The following ARFGEF3 variants were observed in gnomAD, a reference collection of about 807,000 sequenced individuals.
The protein encoded by ARFGEF3 is brefeldin A-inhibited guanine nucleotide-exchange protein 3.
ARFGEF3 carries 96 observed loss-of-function variants against 221.7 expected under a neutral mutation model. The observed-to-expected ratio is 0.43, with a 90% CI of 0.37 to 0.51. The LOEUF is 0.51. Among genes scored for constraint, ARFGEF3 ranks in the 20% least tolerant of loss-of-function variants. ARFGEF3 has a pLI of 0.00. For missense variants in ARFGEF3, 2,410 were observed against 2,789.9 expected (o/e 0.86, Z 3.07); for synonymous variants, 1,145 against 1,126.8 (o/e 1.02, Z -0.32).
At chr6:138,302,634 T>G (rs907323851) in intron 22 of ARFGEF3, among the ~76,000 whole-genome samples, 1 of 152,142 alleles carries the variant, frequency 6.6e-6, no homozygotes, top group Non-Finnish European at 1.5e-5. Flanking sequence ...CCTTAAAAGC[T>G]GCAAGAGAAA....
At chr6:138,313,692 C>G in intron 25 of ARFGEF3, 103 bp from the exon 26 acceptor site, 3 of 907,642 alleles carry the variant, frequency 3.3e-6, no homozygotes, top group Non-Finnish European at 5.0e-6. Context: ...GTCTAGTTTC[C>G]CATCTCCTTT....
Position 138,291,853 on chromosome 6 carries a change from C to A in ARFGEF3, c.3168C>A (p.Pro1056=), listed in dbSNP as rs1318024925. The A allele has an allele frequency of 6.7e-7, 1 of 1,501,932 alleles. No individual in the cohort carries two copies. The allele number at this position is 1,501,932 out of a possible 1,614,324, so 93.0% of individuals were successfully genotyped here. A position where few individuals can be genotyped will look rare whatever the true frequency, so the allele number is the denominator to read the frequency against. The change falls in exon 19 of 34, where the codon CCC becomes CCA. Residue 1056 remains proline, a synonymous_variant. Transcript: ENST00000251691. This position sits in a 1 kb window ranked among gnomAD's most constrained non-coding sequence, Gnocchi z 4.5. ...ATGSAGLLGD[P]ECEGSPPEHS... is the part of the protein sequence containing the mutation. ...GAAGCGCTGGCCTCCTTGGGGACCC[C>A]GAGTGTGAGGGCTCGCCCCCCGAGC...
chr6:138,259,996 G>A (rs1052882477), intron 10 of ARFGEF3, among the ~76,000 whole-genome samples: 4 of 152,308 alleles, frequency 2.6e-5, no homozygotes, highest in Middle Eastern at 3.4e-3. Flanking sequence ...GTGGTGGGAT[G>A]CCAGGAGACA....
At chr6:138,275,031 C>A (rs534424669) in intron 12 of ARFGEF3, among the ~76,000 whole-genome samples, 8 of 147,226 alleles carry the variant, frequency 5.4e-5, no homozygotes, top group African/African-American at 2.0e-4. Context: ...TGCTTGAACC[C>A]GGGAGGCAGA....
At chr6:138,190,523 C>G (rs1777283540) in intron 2 of ARFGEF3, among the ~76,000 whole-genome samples, 1 of 151,878 alleles carries the variant, frequency 6.6e-6, no homozygotes, top group East Asian at 1.9e-4. Flanking sequence ...TGTATTTAAA[C>G]TAGTCTGATG....
chr6:138,311,323 T>C, intron 24 of ARFGEF3, 84 bp from the exon 25 acceptor site: 1 of 767,530 alleles, frequency 1.3e-6, no homozygotes, highest in Non-Finnish European at 2.2e-6. Flanking sequence ...GGTGTACTAG[T>C]GCTATGTGAG....
chr6:138,202,857 T>G (rs1460220438), intron 2 of ARFGEF3, among the ~76,000 whole-genome samples: 3 of 151,990 alleles, frequency 2.0e-5, no homozygotes, highest in Admixed American at 6.6e-5. Flanking sequence ...TATAAAATTA[T>G]AGTAGCCTAC....
At chr6:138,303,634 C>A (rs910560390) in intron 22 of ARFGEF3, among the ~76,000 whole-genome samples, 1 of 152,000 alleles carries the variant, frequency 6.6e-6, no homozygotes, top group Non-Finnish European at 1.5e-5. Context: ...GAAACCCTGT[C>A]TCTACTAAAA....
Position 138,289,977 on chromosome 6 carries a change from C to T in ARFGEF3, c.3047+9C>T, listed in dbSNP as rs1019418600. 13 of 1,602,432 alleles carry T rather than the reference C, an allele frequency of 8.1e-6. No individual in the cohort carries two copies. Among genetic ancestry groups the T allele is most frequent in the Admixed American group, 3.4e-5 (2 of 58,406 alleles). The stretch of plus-strand genomic sequence containing the variant: ...TGGCCACACGTGTTCAGGTGCATGA[C>T]GGGCTCCCACCCCCAGATGGCACTA... On this transcript the variant is annotated intron_variant, in intron 18 of 33. Coordinates refer to ENST00000251691, the MANE Select transcript of ARFGEF3 (RefSeq NM_020340.5).
intron 2 of ARFGEF3, among the ~76,000 whole-genome samples, chr6:138,179,669 G>C (rs1397280767): frequency 6.6e-6 from 1 of 152,172 alleles, no homozygotes; most frequent in Non-Finnish European, 1.5e-5. Context: ...TACTTGGAGA[G>C]AACCATCCAT....
At chr6:138,205,870 C>G (rs1019923930) in intron 2 of ARFGEF3, among the ~76,000 whole-genome samples, 1 of 152,160 alleles carries the variant, frequency 6.6e-6, no homozygotes, top group East Asian at 1.9e-4. Flanking sequence ...GTGTGACTCT[C>G]GCTTCATCGG....
intron 21 of ARFGEF3, among the ~76,000 whole-genome samples, chr6:138,297,229 A>G (rs1451462410): frequency 3.9e-5 from 6 of 152,242 alleles, no homozygotes; most frequent in Non-Finnish European, 8.8e-5. Flanking sequence ...ATGATCTGGT[A>G]TCAACCTGAG....
intron 8 of ARFGEF3, 41 bp from the exon 9 acceptor site, chr6:138,253,839 T>G (rs1778623833): frequency 4.1e-6 from 6 of 1,480,702 alleles, no homozygotes; most frequent in Non-Finnish European, 4.6e-6. Flanking sequence ...AATTTTGCCT[T>G]GTCTTTTGTC....
intron 10 of ARFGEF3, among the ~76,000 whole-genome samples, chr6:138,258,410 G>T (rs1281983609): frequency 6.6e-6 from 1 of 152,204 alleles, no homozygotes; most frequent in Non-Finnish European, 1.5e-5. Flanking sequence ...GAGGCTCTGG[G>T]GGGAGAAGTG....
chr6:138,238,046 G>A (rs774569269), intron 5 of ARFGEF3, among the ~76,000 whole-genome samples: 3 of 152,184 alleles, frequency 2.0e-5, no homozygotes, highest in Non-Finnish European at 4.4e-5. Context: ...GAAATTTCCA[G>A]AAGAACACAG....
chr6:138,254,480 C>T (rs925713587), intron 9 of ARFGEF3, among the ~76,000 whole-genome samples: 2 of 151,664 alleles, frequency 1.3e-5, no homozygotes, highest in South Asian at 2.1e-4. Flanking sequence ...GCTCACGCTC[C>T]CTGCACTTTG....
chr6:138,234,982 ATAT>A (rs1184669553), intron 5 of ARFGEF3, among the ~76,000 whole-genome samples: 1 of 152,142 alleles, frequency 6.6e-6, no homozygotes, highest in Non-Finnish European at 1.5e-5. Context: ...ATCTTCTTTA[ATAT>A]TTGTGATCCC....
intron 2 of ARFGEF3, among the ~76,000 whole-genome samples, chr6:138,191,387 C>T (rs1442674765): frequency 6.6e-6 from 1 of 152,142 alleles, no homozygotes; most frequent in Admixed American, 6.5e-5. Context: ...CAGTCAGTGA[C>T]TGAAGGGTAC....
In ARFGEF3 at chr6:138,319,765, C is replaced by G; in HGVS notation, c.4537C>G (p.Arg1513Gly). Residue 1513 changes from arginine to glycine, a missense_variant, in exon 28 of 34, where the codon CGC becomes GGC. Coordinates refer to ENST00000251691, the MANE Select transcript of ARFGEF3 (RefSeq NM_020340.5). ...LLLPVMSVWL[R>G]RSHKDHSYWD... is the part of the protein sequence containing the mutation. ...CCTTCCTGTGATGTCCGTTTGGCTCCGCCGGAGCCATAAAGACCATTCCTA... is the reference window on the plus strand; with the variant it reads ...CCTTCCTGTGATGTCCGTTTGGCTCGGCCGGAGCCATAAAGACCATTCCTA... The G allele has an allele frequency of 6.2e-7, 1 of 1,613,748 alleles. No individual in the cohort carries two copies. Among genetic ancestry groups the G allele is most frequent in the Non-Finnish European group, 8.5e-7 (1 of 1,179,748 alleles).
Sources: allele counts gnomAD v4.1 joint callset (sites outside exome capture counted in the v4.1 genomes callset), GRCh38; gene constraint gnomAD v4.1.1; non-coding constraint Gnocchi (gnomAD v3.1); transcripts MANE v1.5; gene names NCBI Gene and HGNC (gene_info 2026-07-23, HGNC 2026-07-21).